The following COL13A1 variants were observed in gnomAD, a reference collection of about 807,000 sequenced individuals.
COL13A1 encodes the protein collagen type XIII alpha 1 chain.
COL13A1 carries 89 observed loss-of-function variants against 130.9 expected under a neutral mutation model. The ratio of observed to expected loss-of-function variants is 0.68; its 90% CI spans 0.57 to 0.81. COL13A1 has a LOEUF of 0.81. COL13A1 is among the 30% of genes least tolerant of loss of function. The pLI, the probability that COL13A1 is intolerant of heterozygous loss-of-function variation, is 0.00. For synonymous variants in COL13A1, 402 were observed against 341.6 expected (o/e 1.18, Z -1.95); for missense variants, 879 against 934.6 (o/e 0.94, Z 0.78).
chr10:69,912,924 CA>C (rs957687100), intron 17 of COL13A1, among the ~76,000 whole-genome samples: 1 of 152,246 alleles, frequency 6.6e-6, no homozygotes, highest in Non-Finnish European at 1.5e-5. Context: ...GTAAAGGATG[CA>C]TCCTCCCACC....
chr10:69,857,831 T>C lies in COL13A1; in HGVS notation c.365-9967T>C, dbSNP rs1036185662. 2.0e-5 allele frequency among the ~76,000 whole-genome samples: 3 copies of C among 152,130 alleles called. No individual in the cohort carries two copies. In the East Asian group the frequency reaches 5.8e-4, roughly 29 times the overall value. ...CCTGTGAAGCATTAAGACTGGCGCC[T>C]GGTTGGCTGGGCGCGGTGGCTCGTG... On this transcript the variant is annotated intron_variant, in intron 2 of 40. Transcript: ENST00000645393.
At chr10:69,909,949 G>A (rs2063183162) in intron 17 of COL13A1, among the ~76,000 whole-genome samples, 1 of 152,220 alleles carries the variant, frequency 6.6e-6, no homozygotes. Flanking sequence ...CTAGTAAACA[G>A]CCATGCTGGA....
In COL13A1 at chr10:69,820,220, C is replaced by T. The variant is rs148110483; in HGVS notation, c.295-2149C>T. On this transcript the variant is annotated intron_variant, in intron 1 of 40. Coordinates refer to ENST00000645393, the MANE Select transcript of COL13A1 (RefSeq NM_001368882.1). ...TTTTTCTATTGATTTTTTTCTTCCA[C>T]AAGAAGTTATGCCCCTCTAGGGGTG... 7.2e-5 allele frequency among the ~76,000 whole-genome samples: 11 copies of T among 152,308 alleles called. No homozygotes were observed. In the East Asian group the frequency reaches 2.1e-3, roughly 29 times the overall value.
intron 1 of COL13A1, among the ~76,000 whole-genome samples, chr10:69,806,357 G>T (rs991183859): frequency 2.0e-5 from 3 of 152,304 alleles, no homozygotes; most frequent in Admixed American, 6.5e-5. Context: ...GGGAGAGGGA[G>T]CTGCAGGGAG....
At chr10:69,895,523 C>T in intron 12 of COL13A1, 27 bp from the exon 13 acceptor site, 1 of 1,613,914 alleles carries the variant, frequency 6.2e-7, no homozygotes, top group Non-Finnish European at 8.5e-7. Flanking sequence ...TGCCTAACAC[C>T]ACCTTTCCCT....
At chr10:69,917,465 C>A in intron 18 of COL13A1, 132 bp downstream of exon 18, 1 of 782,544 alleles carries the variant, frequency 1.3e-6, no homozygotes. Context: ...CTGGTTCTCC[C>A]AGCTGCAGCA....
intron 1 of COL13A1, among the ~76,000 whole-genome samples, chr10:69,804,074 C>T (rs189546560): frequency 1.6e-3 from 238 of 152,254 alleles, no homozygotes; most frequent in African/African-American, 5.6e-3. Flanking sequence ...ATTCCCACGC[C>T]CTGCCAGGCT....
chr10:69,807,449 T>A (rs1474680145), intron 1 of COL13A1, among the ~76,000 whole-genome samples: 1 of 152,214 alleles, frequency 6.6e-6, no homozygotes, highest in East Asian at 1.9e-4. Flanking sequence ...ACATGTCTCA[T>A]GTTTATACGG....
chr10:69,884,575 A>G (rs2060442075), intron 7 of COL13A1, among the ~76,000 whole-genome samples: 1 of 152,218 alleles, frequency 6.6e-6, no homozygotes, highest in East Asian at 1.9e-4. Context: ...TGCTTTCAGA[A>G]GTGGGGACCT....
chr10:69,863,342 TTA>T (rs1446251154), intron 2 of COL13A1, among the ~76,000 whole-genome samples: 4 of 152,042 alleles, frequency 2.6e-5, no homozygotes, highest in Non-Finnish European at 5.9e-5. Flanking sequence ...ACCAATATCA[TTA>T]GTCACCCAAG....
At chr10:69,811,627 G>A (rs1418991551) in intron 1 of COL13A1, among the ~76,000 whole-genome samples, 1 of 152,060 alleles carries the variant, frequency 6.6e-6, no homozygotes, top group Admixed American at 6.5e-5. Context: ...ATCAGGAAGG[G>A]CCTTCATAAG....
At position 69,925,959 on chromosome 10, in the gene COL13A1, C is replaced by T. The variant is rs185951967; in HGVS notation, c.1398+87C>T. The T allele has an allele frequency of 2.9e-5, 33 of 1,125,262 alleles. No individual in the cohort carries two copies. The East Asian group carries it at 3.4e-4, about 12-fold the overall frequency. 69.7% of individuals were successfully genotyped at this position (1,125,262 alleles called of 1,614,324 possible). On this transcript the variant is annotated intron_variant, in intron 26 of 40. Transcript: ENST00000645393. ...TGATCAGGGGGCCCTTCCACACAGC[C>T]GAGTAGGGGCCCTGCCCTCAGGCCC...
At chr10:69,808,753 C>T (rs1259547742) in intron 1 of COL13A1, among the ~76,000 whole-genome samples, 4 of 152,218 alleles carry the variant, frequency 2.6e-5, no homozygotes, top group African/African-American at 9.6e-5. Flanking sequence ...GCACATAATA[C>T]GCAGCTCTCA....
intron 18 of COL13A1, 98 bp from the exon 19 acceptor site, chr10:69,918,184 CCTT>C (rs2064163738): frequency 5.6e-6 from 6 of 1,064,950 alleles, no homozygotes; most frequent in Non-Finnish European, 8.3e-6. Context: ...GAGCGGTCCT[CCTT>C]CTCATCACAC....
chr10:69,952,320 C>T (rs570976529), intron 38 of COL13A1, among the ~76,000 whole-genome samples: 128 of 152,350 alleles, frequency 8.4e-4, no homozygotes, highest in African/African-American at 2.9e-3. Flanking sequence ...CACACACACA[C>T]ATATACACAA....
intron 36 of COL13A1, 36 bp downstream of exon 36, chr10:69,944,214 G>C (rs755873233): frequency 1.3e-6 from 2 of 1,593,286 alleles, no homozygotes; most frequent in South Asian, 1.1e-5. Context: ...GGGCGGCCAG[G>C]AGGGAGAGGC....
Position 69,872,074 on chromosome 10 carries a change from A to G in COL13A1, c.373-110A>G, listed in dbSNP as rs1233277516. 24 of 1,280,408 alleles carry G rather than the reference A, an allele frequency of 1.9e-5. No homozygotes were observed. The South Asian group carries it at 2.9e-4, about 16-fold the overall frequency. The allele number at this position is 1,280,408 out of a possible 1,614,324, so 79.3% of individuals were successfully genotyped here. On this transcript the variant is annotated intron_variant, in intron 3 of 40. Coordinates refer to ENST00000645393, the MANE Select transcript of COL13A1 (RefSeq NM_001368882.1). ...CCTTCGTTTTGTTCATAAAATAACA[A>G]AGGCTTACCCAAGTGGCATGCCAAG...
chr10:69,818,047 G>A (rs370033667), intron 1 of COL13A1, among the ~76,000 whole-genome samples: 21 of 152,090 alleles, frequency 1.4e-4, no homozygotes, highest in African/African-American at 5.1e-4. Flanking sequence ...CAAGGCTCCC[G>A]ATTTCCGGGT....
chr10:69,875,267 A>T lies in COL13A1; in HGVS notation c.435+104A>T, dbSNP rs2059465277. 11 of 1,417,372 alleles carry T rather than the reference A, an allele frequency of 7.8e-6. No individual in the cohort carries two copies. In the Admixed American group the frequency reaches 2.0e-4, roughly 26 times the overall value. The allele number at this position is 1,417,372 out of a possible 1,614,324, so 87.8% of individuals were successfully genotyped here. A position where few individuals can be genotyped will look rare whatever the true frequency, so the allele number is the denominator to read the frequency against. ...TGTGCTGTCTATCCCAGGCCCAAGG[A>T]GGGGGTCAGCACTTTCCCTTCCCCA... On this transcript the variant is annotated intron_variant, in intron 5 of 40. Coordinates refer to ENST00000645393, the MANE Select transcript of COL13A1 (RefSeq NM_001368882.1).
Sources: gnomAD v4.1 joint callset for allele counts (sites outside exome capture counted in the v4.1 genomes callset) on GRCh38, gnomAD v4.1.1 for gene constraint, MANE v1.5 for transcripts, NCBI Gene and HGNC (gene_info 2026-07-23, HGNC 2026-07-21) for gene names.